The following ATP11C variants were observed in gnomAD, a reference collection of about 807,000 sequenced individuals.
ATP11C encodes phospholipid-transporting ATPase IG.
ATP11C carries 36 observed loss-of-function variants against 97.4 expected under a neutral mutation model. That is an observed-to-expected ratio of 0.37 (90% CI 0.28 to 0.49). ATP11C has a LOEUF of 0.49. Ranked by LOEUF, ATP11C falls within the 20% of genes least tolerant of loss-of-function variation. The pLI, the probability that ATP11C is intolerant of heterozygous loss-of-function variation, is 0.98. For synonymous variants in ATP11C, 275 were observed against 290.9 expected (o/e 0.95, Z 0.56); for missense variants, 730 against 824.6 (o/e 0.89, Z 1.40).
At chrX:139,914,985 G>A (rs1392906933) in intron 1 of ATP11C, among the ~76,000 whole-genome samples, 1 of 111,563 alleles carries the variant, frequency 9.0e-6, no homozygotes, top group African/African-American at 3.3e-5. Flanking sequence ...TACCACTCTA[G>A]GTTTTGCTGT....
At chrX:139,818,143 A>G (rs753422889) in intron 3 of ATP11C, among the ~76,000 whole-genome samples, 2 of 112,100 alleles carry the variant, frequency 1.8e-5, no homozygotes, top group African/African-American at 6.5e-5. Context: ...TTCAGATAGC[A>G]TCTATTCTCT....
At chrX:139,907,530 C>T (rs755478535) in intron 1 of ATP11C, among the ~76,000 whole-genome samples, 3 of 110,714 alleles carry the variant, frequency 2.7e-5, no homozygotes, top group Non-Finnish European at 3.8e-5. Context: ...GGGCACATCA[C>T]GAGGTCAGGA....
intron 1 of ATP11C, among the ~76,000 whole-genome samples, chrX:139,890,840 T>C (rs1463670551): frequency 9.9e-5 from 11 of 110,786 alleles, no homozygotes; most frequent in Non-Finnish European, 7.5e-5. Context: ...ACTTGTGATT[T>C]TTCCCCATAT....
At chrX:139,808,360 C>A (rs1184408067) in intron 5 of ATP11C, among the ~76,000 whole-genome samples, 1 of 111,309 alleles carries the variant, frequency 9.0e-6, no homozygotes, top group African/African-American at 3.3e-5. Flanking sequence ...CAAAGTTAAT[C>A]AAAGCCGACA....
At chrX:139,917,306 G>A (rs2085169293) in intron 1 of ATP11C, among the ~76,000 whole-genome samples, 1 of 111,760 alleles carries the variant, frequency 8.9e-6, no homozygotes, top group Admixed American at 9.6e-5. Flanking sequence ...AAAAGCACAG[G>A]CAACGAAAGC....
intron 3 of ATP11C, 92 bp from the exon 4 acceptor site, chrX:139,817,035 C>T (rs1221352509): frequency 1.9e-6 from 1 of 518,092 alleles, no homozygotes; most frequent in Non-Finnish European, 3.1e-6. Context: ...CAAACAGAAA[C>T]ATAGACAAAA....
chrX:139,920,305 C>T (rs373577489), intron 1 of ATP11C, among the ~76,000 whole-genome samples: 3 of 104,923 alleles, frequency 2.9e-5, no homozygotes, highest in South Asian at 8.9e-4. Flanking sequence ...TGCAGTGAGC[C>T]GAGATCATAC....
At chrX:139,818,959 A>G (rs898238645) in intron 3 of ATP11C, among the ~76,000 whole-genome samples, 12 of 112,082 alleles carry the variant, frequency 1.1e-4, no homozygotes, top group Admixed American at 1.0e-3. Context: ...GATGAGTGAG[A>G]AGTTTCCAAT....
At chrX:139,817,409 AG>A (rs1569469667) in intron 3 of ATP11C, among the ~76,000 whole-genome samples, 1 of 112,461 alleles carries the variant, frequency 8.9e-6, no homozygotes, top group African/African-American at 3.2e-5. Context: ...CACAGTGAAC[AG>A]TATATGCAGG....
chrX:139,735,415 A>G lies in ATP11C; in HGVS notation c.3288+2501T>C, dbSNP rs751337153. On this transcript the variant is annotated intron_variant, in intron 28 of 29. Transcript: ENST00000682941. ...ATTGGTTGAAGTCAGGGATTCTTCT[A>G]CTCTAGGTAGAGACACACATTTGAC... Among the ~76,000 whole-genome samples, 4 of 111,358 alleles carry G rather than the reference A, an allele frequency of 3.6e-5. No homozygotes were observed. In the South Asian group the frequency reaches 1.5e-3, roughly 42 times the overall value.
chrX:139,754,697 C>T (rs2081894029), intron 23 of ATP11C, among the ~76,000 whole-genome samples: 1 of 112,328 alleles, frequency 8.9e-6, no homozygotes, highest in Non-Finnish European at 1.9e-5. Flanking sequence ...GGTTCAATAT[C>T]TGCAAATCAA....
At position 139,774,957 on chromosome X, in the gene ATP11C, G is replaced by C. The variant is rs369937529; in HGVS notation, c.1953-4C>G. The stretch of plus-strand genomic sequence containing the variant: ...CTCTGCAGCTTGATCTTGTAGCCTG[G>C]GAACACAAAAGAAACCTTGTGATCT... On this transcript the variant is annotated splice_polypyrimidine_tract_variant and splice_region_variant and intron_variant, in intron 18 of 29. Transcript: ENST00000682941. 2.5e-6 allele frequency: 3 copies of C among 1,190,349 alleles called. No homozygotes were observed. The highest frequency in any genetic ancestry group is 4.7e-5 in the Admixed American group (2 of 42,910).
At chrX:139,860,851 G>GA (rs2084178585) in intron 1 of ATP11C, among the ~76,000 whole-genome samples, 1 of 112,304 alleles carries the variant, frequency 8.9e-6, no homozygotes. Flanking sequence ...GCCAGATTCA[G>GA]ATACCGCAGC....
At chrX:139,910,205 G>A (rs1055382160) in intron 1 of ATP11C, among the ~76,000 whole-genome samples, 1 of 111,164 alleles carries the variant, frequency 9.0e-6, no homozygotes, top group South Asian at 3.8e-4. Context: ...TGAGAACCAG[G>A]CAGATCCACC....
At chrX:139,766,736 T>C (rs1603352149) in intron 20 of ATP11C, among the ~76,000 whole-genome samples, 1 of 111,421 alleles carries the variant, frequency 9.0e-6, no homozygotes, top group East Asian at 2.8e-4. Context: ...GAATATCCTA[T>C]AGCATATATG....
chrX:139,928,311 A>G (rs1355144457), intron 1 of ATP11C, among the ~76,000 whole-genome samples: 1 of 112,307 alleles, frequency 8.9e-6, no homozygotes, highest in Non-Finnish European at 1.9e-5. Context: ...GTGCAAATGT[A>G]AAAATATTGC....
At chrX:139,733,501 A>G (rs2081387294) in intron 28 of ATP11C, among the ~76,000 whole-genome samples, 1 of 112,459 alleles carries the variant, frequency 8.9e-6, no homozygotes, top group Non-Finnish European at 1.9e-5. Flanking sequence ...AAAGGTAAAT[A>G]ATTTATTCAT....
chrX:139,818,060 T>C (rs2083324850), intron 3 of ATP11C, among the ~76,000 whole-genome samples: 1 of 111,339 alleles, frequency 9.0e-6, no homozygotes, highest in Non-Finnish European at 1.9e-5. Flanking sequence ...CTTTAGGCAA[T>C]CTCTTCCCTA....
intron 25 of ATP11C, 59 bp from the exon 26 acceptor site, chrX:139,743,683 T>G: frequency 2.6e-6 from 2 of 759,792 alleles, no homozygotes; most frequent in Non-Finnish European, 3.7e-6. Context: ...CTTAGTATTT[T>G]TTCATTTAAA....
Sources: gnomAD v4.1 joint callset for allele counts (sites outside exome capture counted in the v4.1 genomes callset) on GRCh38, gnomAD v4.1.1 for gene constraint, MANE v1.5 for transcripts, NCBI Gene and HGNC (gene_info 2026-07-23, HGNC 2026-07-21) for gene names.